FAM13B: variants seen among roughly 807,000 people sequenced by gnomAD.
FAM13B encodes family with sequence similarity 13 member B.
FAM13B carries 60 observed loss-of-function variants against 117.3 expected under a neutral mutation model. The ratio of observed to expected loss-of-function variants is 0.51; its 90% CI spans 0.42 to 0.63. The LOEUF (loss-of-function observed/expected upper bound fraction) is 0.63, where lower values mean the gene tolerates loss of function less well. Among genes scored for constraint, FAM13B ranks in the 30% least tolerant of loss-of-function variants. The pLI is 0.00. For synonymous variants in FAM13B, 332 were observed against 356.1 expected, an observed-to-expected ratio of 0.93 and a Z score of 0.76; for missense variants, 972 against 1,091.9, an observed-to-expected ratio of 0.89 and a Z score of 1.55.
intron 1 of FAM13B, among the ~76,000 whole-genome samples, chr5:138,028,298 G>A (rs1391470498): frequency 6.6e-6 from 1 of 152,184 alleles, no homozygotes; most frequent in Non-Finnish European, 1.5e-5. Context: ...CTGAAAACAT[G>A]CACAGGCAAG....
intron 22 of FAM13B, 114 bp downstream of exon 22, chr5:137,942,761 G>A (rs1265540214): frequency 1.2e-6 from 1 of 841,796 alleles, no homozygotes; most frequent in African/African-American, 1.8e-5. Context: ...TGTGTCCTTT[G>A]ATAAATTCTT....
intron 7 of FAM13B, among the ~76,000 whole-genome samples, chr5:138,000,611 A>C (rs1174481435): frequency 1.3e-5 from 2 of 152,098 alleles, no homozygotes; most frequent in Non-Finnish European, 2.9e-5. Context: ...GAGGTCATAA[A>C]TAGTTACATT....
intron 1 of FAM13B, among the ~76,000 whole-genome samples, chr5:138,043,123 T>C (rs1189608324): frequency 1.3e-5 from 2 of 151,802 alleles, no homozygotes; most frequent in East Asian, 3.9e-4. Flanking sequence ...AAAGAAGAAA[T>C]TGACCAGGCC....
chr5:138,018,935 C>G lies in FAM13B; in HGVS notation c.157+20G>C. The G allele has an allele frequency of 6.3e-7, 1 of 1,578,746 alleles. No individual in the cohort carries two copies. The highest frequency in any genetic ancestry group is 8.6e-7 in the Non-Finnish European group (1 of 1,158,992). ...GTTTATTAAAACAAAAGCTAGCCCT[C>G]AAAGTAAGGAAATGTATACCATGTT... On this transcript the variant is annotated intron_variant, in intron 3 of 23. Coordinates refer to ENST00000689681, the MANE Select transcript of FAM13B (RefSeq NM_001385994.1).
chr5:137,966,829 T>C (rs1279680285), intron 10 of FAM13B, among the ~76,000 whole-genome samples: 1 of 152,144 alleles, frequency 6.6e-6, no homozygotes, highest in African/African-American at 2.4e-5. Context: ...TTATTACAAA[T>C]GTATCCAGGC....
chr5:138,029,681 C>T (rs1057362152), intron 1 of FAM13B, among the ~76,000 whole-genome samples: 1 of 152,162 alleles, frequency 6.6e-6, no homozygotes, highest in South Asian at 2.1e-4. Flanking sequence ...CCTGCTCACC[C>T]CAATGCAAAA....
chr5:137,981,734 C>T (rs994748897), intron 10 of FAM13B, among the ~76,000 whole-genome samples: 2 of 150,454 alleles, frequency 1.3e-5, no homozygotes. Flanking sequence ...TGTACTGTGC[C>T]GAGACTGTGC....
Position 138,026,224 on chromosome 5 carries a change from TC to T in FAM13B, c.-202-5028del, listed in dbSNP as rs779970165. Among the ~76,000 whole-genome samples, 14 of 152,328 alleles carry T rather than the reference TC, an allele frequency of 9.2e-5. No individual in the cohort carries two copies. In the South Asian group the frequency reaches 2.7e-3, roughly 29 times the overall value. ...GAACTTTTTGAGGTGATGAAAATGT[TC>T]TATGTCATAACTGTGGCAGTGATAG... is the stretch of plus-strand genomic sequence containing the variant. On this transcript the variant is annotated intron_variant, in intron 1 of 23. Coordinates refer to ENST00000689681, the MANE Select transcript of FAM13B (RefSeq NM_001385994.1).
At chr5:138,020,976 C>A (rs1438135813) in intron 2 of FAM13B, 55 bp downstream of exon 2, 10 of 1,196,082 alleles carry the variant, frequency 8.4e-6, no homozygotes, top group Non-Finnish European at 9.4e-6. Context: ...GGGGCAAGTT[C>A]CAAAATCTCT....
At chr5:137,981,815 C>A (rs956816687) in intron 10 of FAM13B, among the ~76,000 whole-genome samples, 3 of 149,934 alleles carry the variant, frequency 2.0e-5, no homozygotes, top group African/African-American at 7.3e-5. Context: ...CGGCGGAATG[C>A]GAAGCAGGGA....
chr5:137,954,244 A>G lies in FAM13B; in HGVS notation c.1640T>C (p.Leu547Ser). The G allele has an allele frequency of 6.2e-7, 1 of 1,614,044 alleles. No individual in the cohort carries two copies. Among genetic ancestry groups the G allele is most frequent in the Non-Finnish European group, 8.5e-7 (1 of 1,180,006 alleles). Residue 547 changes from leucine (L) to serine (S), a missense_variant, in exon 15 of 24, where the codon TTA (leucine) becomes TCA (serine). Physicochemically the swap from Leu to Ser is moderately radical, Grantham distance 145. Coordinates refer to ENST00000689681, the MANE Select transcript of FAM13B (RefSeq NM_001385994.1). ...GAAACGCTGGCTTTGACCAAAATCT[A>G]AACTGCGGTGTGATAATACTGGAGG... ...DCPPVLSHRS[L>S]DFGQSQRFLH...
At chr5:138,036,071 C>T, upstream of FAM13B, 1 of 290,434 alleles carries the variant, frequency 3.4e-6, no homozygotes, top group South Asian at 3.3e-5. Flanking sequence ...GACTCTCACA[C>T]TCGTCCATTT....
chr5:137,972,307 T>C (rs1453609042), intron 10 of FAM13B, among the ~76,000 whole-genome samples: 10 of 151,168 alleles, frequency 6.6e-5, no homozygotes, highest in African/African-American at 1.7e-4. Context: ...GCTGGTTCAA[T>C]ATACACAAAT....
In FAM13B at chr5:137,940,231, G is replaced by A. The variant is rs780017646; in HGVS notation, c.2808C>T (p.Ser936=). The A allele has an allele frequency of 1.4e-5, 23 of 1,613,702 alleles. No individual in the cohort carries two copies. The highest frequency in any genetic ancestry group is 2.5e-6 in the Non-Finnish European group (3 of 1,179,912). Residue 936 remains serine, a synonymous_variant, in exon 24 of 24, where the codon TCC becomes TCT. Transcript: ENST00000689681. ...AATTTTCAAGGAACGTATCTTATAT[G>A]GATTTTGAAGAATCTTGTTTGCTTA... The part of the protein sequence containing the change: ...VLISKQDSSK[S]I
intron 10 of FAM13B, among the ~76,000 whole-genome samples, chr5:137,983,089 A>G (rs1477649017): frequency 6.6e-6 from 1 of 151,454 alleles, no homozygotes; most frequent in Non-Finnish European, 1.5e-5. Flanking sequence ...AATCTGAGAA[A>G]TGGGCCCTGG....
rs1381058686 is a variant in FAM13B at position 137,949,178 on chromosome 5, T to C, written c.1937A>G (p.Lys646Arg). Reference protein sequence around the residue: ...TKLRKQIKDAKHKNSDGEFVP... With the variant: ...TKLRKQIKDARHKNSDGEFVP... ...AAATTCTCCATCAGAATTTTTGTGT[T>C]TTGCATCTACATGTCAGAAATAAGG... is the stretch of plus-strand genomic sequence containing the variant. Residue 646 changes from lysine (K) to arginine (R), a missense_variant, in exon 18 of 24, where the codon AAA becomes AGA. Transcript: ENST00000689681. 4 of 1,613,526 alleles carry C rather than the reference T, an allele frequency of 2.5e-6. No homozygotes were observed. In the African/African-American group the frequency reaches 4.0e-5, roughly 16 times the overall value.
At chr5:137,980,951 C>T (rs4835744) in intron 10 of FAM13B, among the ~76,000 whole-genome samples, 111,866 of 151,356 alleles carry the variant, frequency 0.74, 41,986 homozygotes, top group East Asian at 0.97. Context: ...CTCACCGTGT[C>T]GCCCAGGCTG....
At chr5:137,945,726 G>A (rs1763234096) in intron 20 of FAM13B, among the ~76,000 whole-genome samples, 176 bp downstream of exon 20, 1 of 152,154 alleles carries the variant, frequency 6.6e-6, no homozygotes. Context: ...ACAAGTGTCT[G>A]GGATATACTA....
intron 10 of FAM13B, among the ~76,000 whole-genome samples, chr5:137,981,326 T>C (rs1255217648): frequency 6.6e-6 from 1 of 151,964 alleles, no homozygotes; most frequent in East Asian, 1.9e-4. Flanking sequence ...CTGATGCTTG[T>C]AATCCCAACA....
Sources: gnomAD v4.1 joint callset for allele counts (sites outside exome capture counted in the v4.1 genomes callset) on GRCh38, gnomAD v4.1.1 for gene constraint, MANE v1.5 for transcripts, NCBI Gene and HGNC (gene_info 2026-07-23, HGNC 2026-07-21) for gene names.